Variants in PPARGC1A observed in about 807,000 individuals in gnomAD.
PPARGC1A encodes the protein peroxisome proliferator-activated receptor gamma coactivator 1-alpha.
PPARGC1A carries 25 observed loss-of-function variants against 88.7 expected under a neutral mutation model. That is an observed-to-expected ratio of 0.28 (90% CI 0.21 to 0.39). The LOEUF (loss-of-function observed/expected upper bound fraction) is 0.39. Ranked by LOEUF, PPARGC1A falls within the 10% of genes least tolerant of loss-of-function variation. PPARGC1A has a pLI of 1.00. For missense variants in PPARGC1A, 880 were observed against 968.7 expected (o/e 0.91, Z 1.22); for synonymous variants, 363 against 355.6 (o/e 1.02, Z -0.24).
the PPARGC1A span, among the ~76,000 whole-genome samples, chr4:24,161,676 G>C: frequency 6.6e-6 from 1 of 152,146 alleles, no homozygotes; most frequent in South Asian, 2.1e-4. Context: ...TAAAGAGATA[G>C]CTAAGCTTCC....
chr4:24,440,411 G>A, the PPARGC1A span, among the ~76,000 whole-genome samples: 17 of 152,352 alleles, frequency 1.1e-4, no homozygotes, highest in African/African-American at 4.1e-4. Context: ...GGTTCAGCCA[G>A]TTCACGCAAA....
At chr4:24,436,604 G>A in the PPARGC1A span, among the ~76,000 whole-genome samples, 4 of 144,956 alleles carry the variant, frequency 2.8e-5, no homozygotes, top group Admixed American at 6.9e-5. Flanking sequence ...AGCTGACATC[G>A]ATTGGCCACC....
At chr4:24,458,311 G>A in the PPARGC1A span, among the ~76,000 whole-genome samples, 1 of 152,096 alleles carries the variant, frequency 6.6e-6, no homozygotes, top group Non-Finnish European at 1.5e-5. Flanking sequence ...AGCAGCCTGG[G>A]GAACATGGCG....
the PPARGC1A span, among the ~76,000 whole-genome samples, chr4:24,037,878 C>A: frequency 1.3e-5 from 2 of 152,306 alleles, no homozygotes; most frequent in African/African-American, 4.8e-5. Flanking sequence ...GCTTGCTCAT[C>A]CCATACCCAC....
chr4:24,020,708 G>C, the PPARGC1A span, among the ~76,000 whole-genome samples: 1 of 152,086 alleles, frequency 6.6e-6, no homozygotes, highest in Admixed American at 6.5e-5. Flanking sequence ...GAAAGGGAAG[G>C]GGGGACAGAG....
chr4:23,987,713 A>G, the PPARGC1A span, among the ~76,000 whole-genome samples: 1 of 152,044 alleles, frequency 6.6e-6, no homozygotes, highest in Non-Finnish European at 1.5e-5. Context: ...CCACTCAATT[A>G]GAAGCCGACG....
chr4:24,282,028 T>C, the PPARGC1A span, among the ~76,000 whole-genome samples: 1 of 152,176 alleles, frequency 6.6e-6, no homozygotes, highest in East Asian at 1.9e-4. Context: ...GCTTTTAACC[T>C]CTTGCTATTA....
chr4:23,934,397 G>A, the PPARGC1A span, among the ~76,000 whole-genome samples: 3 of 152,324 alleles, frequency 2.0e-5, no homozygotes, highest in South Asian at 2.1e-4. Flanking sequence ...TGAAGTAGCC[G>A]TGCTAGTAGA....
At chr4:24,316,977 T>C in the PPARGC1A span, among the ~76,000 whole-genome samples, 4 of 151,896 alleles carry the variant, frequency 2.6e-5, no homozygotes, top group East Asian at 7.8e-4. Flanking sequence ...TTTACATCAT[T>C]TTGATTCAGA....
the PPARGC1A span, among the ~76,000 whole-genome samples, chr4:24,209,586 A>T: frequency 1.3e-5 from 2 of 152,182 alleles, no homozygotes; most frequent in Non-Finnish European, 2.9e-5. Flanking sequence ...GCCCTAAAGT[A>T]TCCTGTGCTA....
chr4:24,132,156 A>T, the PPARGC1A span, among the ~76,000 whole-genome samples: 1 of 152,144 alleles, frequency 6.6e-6, no homozygotes, highest in Admixed American at 6.5e-5. Flanking sequence ...TTTGAAATAG[A>T]GGAGATTGAG....
chr4:24,175,837 C>G, the PPARGC1A span, among the ~76,000 whole-genome samples: 4 of 151,860 alleles, frequency 2.6e-5, no homozygotes, highest in African/African-American at 9.7e-5. Flanking sequence ...ACATGAAATC[C>G]TCCAGAATCT....
the PPARGC1A span, among the ~76,000 whole-genome samples, chr4:24,294,295 A>G: frequency 4.6e-5 from 7 of 152,352 alleles, no homozygotes; most frequent in African/African-American, 7.2e-5. Context: ...TCATGATCAG[A>G]AAATATGATC....
the PPARGC1A span, among the ~76,000 whole-genome samples, chr4:24,462,232 C>G: frequency 4.0e-5 from 6 of 149,876 alleles, no homozygotes; most frequent in African/African-American, 9.8e-5. Context: ...ATTACAGGTG[C>G]ACACCACCGC....
the PPARGC1A span, among the ~76,000 whole-genome samples, chr4:24,314,582 A>T: frequency 4.6e-5 from 7 of 152,202 alleles, no homozygotes; most frequent in Admixed American, 3.9e-4. Flanking sequence ...AGCAGCACAA[A>T]TGGACTAAGA....
At chr4:23,913,259 T>TAGAG in the PPARGC1A span, among the ~76,000 whole-genome samples, 68 of 48,976 alleles carry the variant, frequency 1.4e-3, no homozygotes, top group Non-Finnish European at 2.4e-3. Flanking sequence ...TATATATATA[T>TAGAG]ATATATATAG....
At chr4:23,995,160 C>T in the PPARGC1A span, among the ~76,000 whole-genome samples, 187 of 152,198 alleles carry the variant, frequency 1.2e-3, 1 homozygote, top group African/African-American at 4.3e-3. Flanking sequence ...ATAGAGTGCC[C>T]AAACAGGGAC....
chr4:24,266,116 G>A, the PPARGC1A span, among the ~76,000 whole-genome samples: 14 of 152,276 alleles, frequency 9.2e-5, no homozygotes, highest in South Asian at 2.1e-4. Flanking sequence ...GAGAGATGCC[G>A]GAGTTATTTT....
At chr4:24,276,507 A>G in the PPARGC1A span, among the ~76,000 whole-genome samples, 1 of 152,132 alleles carries the variant, frequency 6.6e-6, no homozygotes, top group East Asian at 1.9e-4. Context: ...GACTGCCTGT[A>G]TTTTTAATAC....
Sources: gnomAD v4.1 joint callset for allele counts (sites outside exome capture counted in the v4.1 genomes callset) on GRCh38, gnomAD v4.1.1 for gene constraint, MANE v1.5 for transcripts, NCBI Gene and HGNC (gene_info 2026-07-23, HGNC 2026-07-21) for gene names.